The following REDIC1 variants were observed in gnomAD, a reference collection of about 807,000 sequenced individuals.
REDIC1 encodes HEI10 Interacting Protein 1.
the REDIC1 span, among the ~76,000 whole-genome samples, chr12:39,666,981 C>T: frequency 1.3e-5 from 2 of 151,862 alleles, no homozygotes; most frequent in African/African-American, 2.4e-5. Flanking sequence ...GTCTTGCTAG[C>T]GGTCCATCAG....
At chr12:39,650,187 G>T in the REDIC1 span, 16 of 1,427,224 alleles carry the variant, frequency 1.1e-5, no homozygotes, top group Admixed American at 3.6e-4. The surrounding 1 kb of genome is among the most constrained non-coding windows in gnomAD (Gnocchi z 4.3). Context: ...AATTTAAATT[G>T]TATATATGTA....
At chr12:39,855,775 T>C in the REDIC1 span, among the ~76,000 whole-genome samples, 88 of 152,324 alleles carry the variant, frequency 5.8e-4, no homozygotes, top group African/African-American at 2.0e-3. Flanking sequence ...CAGGATACAT[T>C]ATTTCATTGT....
the REDIC1 span, among the ~76,000 whole-genome samples, chr12:39,712,148 C>CTCTACATGTATATGTACATGTATA: frequency 3.1e-5 from 1 of 31,840 alleles, no homozygotes; most frequent in Non-Finnish European, 6.5e-5. Flanking sequence ...ATACATACAT[C>CTCTACATGTATATGTACATGTATA]TATACATGTA....
chr12:39,827,387 C>T, the REDIC1 span, among the ~76,000 whole-genome samples: 1 of 152,108 alleles, frequency 6.6e-6, no homozygotes, highest in Non-Finnish European at 1.5e-5. Context: ...TTTTTCTTGT[C>T]CCTATTTCAG....
At chr12:39,744,437 C>G in the REDIC1 span, among the ~76,000 whole-genome samples, 1 of 152,116 alleles carries the variant, frequency 6.6e-6, no homozygotes, top group African/African-American at 2.4e-5. Flanking sequence ...TTTTCTTATT[C>G]TTAATTGATC....
the REDIC1 span, among the ~76,000 whole-genome samples, chr12:39,656,284 T>C: frequency 7.9e-5 from 12 of 152,210 alleles, no homozygotes; most frequent in African/African-American, 2.4e-4. Context: ...TGCATAACAA[T>C]GTTTCAGTCA....
the REDIC1 span, among the ~76,000 whole-genome samples, chr12:39,715,164 C>G: frequency 6.6e-6 from 1 of 151,800 alleles, no homozygotes; most frequent in Non-Finnish European, 1.5e-5. Flanking sequence ...GGGTTTTTCC[C>G]ATGCTATCTT....
the REDIC1 span, among the ~76,000 whole-genome samples, chr12:39,733,301 T>C: frequency 6.6e-6 from 1 of 152,202 alleles, no homozygotes; most frequent in Non-Finnish European, 1.5e-5. Flanking sequence ...TTTGCTCTTT[T>C]GCCTAGATGC....
At chr12:39,675,425 T>C in the REDIC1 span, among the ~76,000 whole-genome samples, 4 of 152,148 alleles carry the variant, frequency 2.6e-5, no homozygotes, top group Non-Finnish European at 5.9e-5. Flanking sequence ...CTGGCCAATG[T>C]AGGGCAAACT....
chr12:39,714,780 A>T, the REDIC1 span, among the ~76,000 whole-genome samples: 9 of 151,770 alleles, frequency 5.9e-5, no homozygotes, highest in Admixed American at 5.3e-4. Flanking sequence ...GTGGTATCAC[A>T]TTGTGGTTTT....
chr12:39,684,489 T>G, the REDIC1 span, among the ~76,000 whole-genome samples: 1 of 152,212 alleles, frequency 6.6e-6, no homozygotes, highest in Non-Finnish European at 1.5e-5. Flanking sequence ...AATTAAAACA[T>G]AGACTTACAA....
chr12:39,699,773 G>C, the REDIC1 span, among the ~76,000 whole-genome samples: 1 of 152,156 alleles, frequency 6.6e-6, no homozygotes, highest in South Asian at 2.1e-4. Flanking sequence ...CTCCTCAAGT[G>C]GGTCCCTGAC....
the REDIC1 span, among the ~76,000 whole-genome samples, chr12:39,733,111 AAC>A: frequency 6.6e-6 from 1 of 151,758 alleles, no homozygotes; most frequent in African/African-American, 2.4e-5. Context: ...TTAAAGATAA[AAC>A]AGTTTGTGAT....
At chr12:39,793,238 AT>A in the REDIC1 span, among the ~76,000 whole-genome samples, 1 of 152,192 alleles carries the variant, frequency 6.6e-6, no homozygotes, top group East Asian at 1.9e-4. Context: ...TCTATTTATA[AT>A]AGCACTAGAA....
the REDIC1 span, among the ~76,000 whole-genome samples, chr12:39,839,772 C>T: frequency 6.6e-6 from 1 of 152,044 alleles, no homozygotes; most frequent in Non-Finnish European, 1.5e-5. Context: ...CCCATGACCT[C>T]TTTCTTTCCT....
the REDIC1 span, among the ~76,000 whole-genome samples, chr12:39,779,666 T>C: frequency 3.3e-5 from 5 of 152,250 alleles, no homozygotes; most frequent in Non-Finnish European, 7.3e-5. Context: ...GACATATATT[T>C]GCTGTTGAAA....
chr12:39,813,362 C>T, the REDIC1 span, among the ~76,000 whole-genome samples: 14 of 151,730 alleles, frequency 9.2e-5, no homozygotes, highest in South Asian at 2.1e-4. Flanking sequence ...TATAATTAAC[C>T]GGATGTACCC....
chr12:39,846,203 T>C, the REDIC1 span, among the ~76,000 whole-genome samples: 1 of 152,256 alleles, frequency 6.6e-6, no homozygotes, highest in Admixed American at 6.5e-5. Flanking sequence ...ACCAAGGTGG[T>C]GAATACTTTA....
chr12:39,825,167 T>C, the REDIC1 span, among the ~76,000 whole-genome samples: 1 of 152,206 alleles, frequency 6.6e-6, no homozygotes, highest in African/African-American at 2.4e-5. Context: ...AAACAAATAC[T>C]GAATCAGCGC....
Sources: allele counts gnomAD v4.1 joint callset (sites outside exome capture counted in the v4.1 genomes callset), GRCh38; gene constraint gnomAD v4.1.1; non-coding constraint Gnocchi (gnomAD v3.1); transcripts MANE v1.5; gene names NCBI Gene and HGNC (gene_info 2026-07-23, HGNC 2026-07-21).